The following SIX2 variants were observed in gnomAD, a reference collection of about 807,000 sequenced individuals.
SIX2 encodes the protein SIX homeobox 2, also known as homeobox protein SIX2.
In SIX2, 20 loss-of-function variants were observed where a neutral mutation model predicts 22.8. The ratio of observed to expected loss-of-function variants is 0.88; its 90% CI spans 0.62 to 1.28. The LOEUF is 1.28. SIX2 is among the 50% of genes most tolerant of loss of function. The probability of loss-of-function intolerance (pLI) is 0.00; values close to 1 mark genes in which losing one functional copy is unlikely to be tolerated. For synonymous variants in SIX2, 195 were observed against 186.4 expected (o/e 1.05, Z -0.37); for missense variants, 360 against 400.0 (o/e 0.90, Z 0.85).
At chr2:45,007,215 G>T (rs747048608) in intron 1 of SIX2, among the ~76,000 whole-genome samples, 1 of 152,156 alleles carries the variant, frequency 6.6e-6, no homozygotes, top group Non-Finnish European at 1.5e-5. Context: ...GAAGGCCGAG[G>T]CTTTTCCATT....
chr2:45,006,218 G>C lies in SIX2; in HGVS notation c.828C>G (p.Asp276Glu). ...TGGCTGACATGGGGTTGAGGATGGA[G>C]TCCTGCAGGCCATGGTGGTGTTGCA... Reference protein sequence around the residue: ...DPLQHHHGLQDSILNPMSANL... With the variant: ...DPLQHHHGLQESILNPMSANL... The change falls in exon 2 of 2, where the codon GAC becomes GAG. Residue 276 changes from aspartate (D) to glutamate (E), a missense_variant. Coordinates refer to ENST00000303077, the MANE Select transcript of SIX2 (RefSeq NM_016932.5). This position sits in a 1 kb window ranked among gnomAD's most constrained non-coding sequence, Gnocchi z 4.2. 1 of 1,614,274 alleles carries C rather than the reference G, an allele frequency of 6.2e-7. No homozygotes were observed. The highest frequency in any genetic ancestry group is 8.5e-7 in the Non-Finnish European group (1 of 1,180,048).
intron 1 of SIX2, 116 bp downstream of exon 1, chr2:45,008,435 C>T: frequency 9.1e-7 from 1 of 1,104,772 alleles, no homozygotes; most frequent in Non-Finnish European, 1.3e-6. Context: ...TGCCGCTGGG[C>T]TGTGGCCGGG....
Position 45,008,780 on chromosome 2 carries a change from C to T in SIX2, c.331G>A (p.Val111Met). 6.2e-7 allele frequency: 1 copy of T among 1,613,860 alleles called. No individual in the cohort carries two copies. The highest frequency in any genetic ancestry group is 8.5e-7 in the Non-Finnish European group (1 of 1,179,940). The stretch of plus-strand genomic sequence containing the variant: ...CGCGGCAGCGGGAATTTGCGGCGCA[C>T]GCGGTATTTGCCCACGGCGCCCAGG... Reference protein sequence around the residue: ...RPLGAVGKYRVRRKFPLPRSI... With the variant: ...RPLGAVGKYRMRRKFPLPRSI... Residue 111 changes from valine to methionine, a missense_variant, in exon 1 of 2, where the codon GTG becomes ATG. Physicochemically the swap from Val to Met is conservative, Grantham distance 21 (BLOSUM62 1). This residue lies in a region of SIX2 where 7 missense variants were observed against 33.1 expected (regional missense o/e 0.21). Transcript: ENST00000303077.
chr2:45,006,762 C>T lies in SIX2; in HGVS notation c.561-277G>A, dbSNP rs1387730065. On this transcript the variant is annotated intron_variant, in intron 1 of 1. Transcript: ENST00000303077. This position sits in a 1 kb window ranked among gnomAD's most constrained non-coding sequence, Gnocchi z 4.2. ...CTCATCAATATCTTTTCTATATTTCCTCTTTCCCCCCTTCCCCAATATTTC... is the reference window on the plus strand; with the variant it reads ...CTCATCAATATCTTTTCTATATTTCTTCTTTCCCCCCTTCCCCAATATTTC... Among the ~76,000 whole-genome samples, 1 of 152,170 alleles carries T rather than the reference C, an allele frequency of 6.6e-6. No homozygotes were observed. Among genetic ancestry groups the T allele is most frequent in the Non-Finnish European group, 1.5e-5 (1 of 68,030 alleles).
rs1487284253 is a variant in SIX2 at position 45,006,683 on chromosome 2, C to G, written c.561-198G>C. The stretch of plus-strand genomic sequence containing the variant: ...TGCCCGTTCTCTCCATCTCTCAACA[C>G]CCAATTTCTCTTGCCCCTCTGCCCT... On this transcript the variant is annotated intron_variant, in intron 1 of 1. Coordinates refer to ENST00000303077, the MANE Select transcript of SIX2 (RefSeq NM_016932.5). This position sits in a 1 kb window ranked among gnomAD's most constrained non-coding sequence, Gnocchi z 4.2. Among the ~76,000 whole-genome samples, 1 of 152,208 alleles carries G rather than the reference C, an allele frequency of 6.6e-6. No homozygotes were observed. The highest frequency in any genetic ancestry group is 1.5e-5 in the Non-Finnish European group (1 of 68,040).
chr2:45,008,688 C>T lies in SIX2; in HGVS notation c.423G>A (p.Glu141=), dbSNP rs1454756698. The change falls in exon 1 of 2, where the codon GAG becomes GAA. Residue 141 remains glutamate, a synonymous_variant. Coordinates refer to ENST00000303077, the MANE Select transcript of SIX2 (RefSeq NM_016932.5). ...AAGGGTAGGGGTTGTGCGCGTACCA[C>T]TCGCGCAGCACGCTGCGACTCTTTT... is the stretch of plus-strand genomic sequence containing the variant. ...FKEKSRSVLR[E]WYAHNPYPSP... The T allele has an allele frequency of 6.2e-7, 1 of 1,614,098 alleles. No individual in the cohort carries two copies. The highest frequency in any genetic ancestry group is 1.1e-5 in the South Asian group (1 of 91,090).
In SIX2 at chr2:45,006,910, A is replaced by T. The variant is rs113046677; in HGVS notation, c.561-425T>A. On this transcript the variant is annotated intron_variant, in intron 1 of 1. Coordinates refer to ENST00000303077, the MANE Select transcript of SIX2 (RefSeq NM_016932.5). This position sits in a 1 kb window ranked among gnomAD's most constrained non-coding sequence, Gnocchi z 4.2. ...TCCACAAGCCAGGTTTGCTGGGTAGATGTGGGGCTAGCAGGTTAAGGAACC... is the reference window on the plus strand; with the variant it reads ...TCCACAAGCCAGGTTTGCTGGGTAGTTGTGGGGCTAGCAGGTTAAGGAACC... Among the ~76,000 whole-genome samples the T allele has an allele frequency of 1.4e-3, 219 of 152,262 alleles. No individual in the cohort carries two copies. The highest frequency in any genetic ancestry group is 5.0e-3 in the African/African-American group (208 of 41,552).
In SIX2 at chr2:45,009,043, T is replaced by A; in HGVS notation, c.68A>T (p.Gln23Leu). The stretch of plus-strand genomic sequence containing the variant: ...GCCCAGCCGCTCGATGTTGCCGCCC[T>A]GCTGCAGCACCTCGCACACGCACGC... The part of the protein sequence containing the change: ...QVACVCEVLQ[Q>L]GGNIERLGRF... Residue 23 changes from glutamine to leucine, a missense_variant, in exon 1 of 2, where the codon CAG (glutamine) becomes CTG (leucine). Around this residue, in one of 3 missense-constraint regions of SIX2, gnomAD observed 118 missense variants for 135.1 expected, o/e 0.87. Coordinates refer to ENST00000303077, the MANE Select transcript of SIX2 (RefSeq NM_016932.5). The A allele has an allele frequency of 6.2e-7, 1 of 1,607,804 alleles. No individual in the cohort carries two copies. The highest frequency in any genetic ancestry group is 8.5e-7 in the Non-Finnish European group (1 of 1,179,298).
In SIX2 at chr2:45,006,828, G is replaced by A. The variant is rs1667774925; in HGVS notation, c.561-343C>T. 6.6e-6 allele frequency among the ~76,000 whole-genome samples: 1 copy of A among 152,194 alleles called. No individual in the cohort carries two copies. Among genetic ancestry groups the A allele is most frequent in the African/African-American group, 2.4e-5 (1 of 41,438 alleles). On this transcript the variant is annotated intron_variant, in intron 1 of 1. Transcript: ENST00000303077. This position sits in a 1 kb window ranked among gnomAD's most constrained non-coding sequence, Gnocchi z 4.2. Reference sequence around the variant, plus strand: ...GTGCAGGAGAACAGGGTTCCCTGAAGTTGTGGGGTGAGCCGGGAGGAAGAG... The same window carrying A: ...GTGCAGGAGAACAGGGTTCCCTGAAATTGTGGGGTGAGCCGGGAGGAAGAG...
Position 45,005,937 on chromosome 2 carries a change from G to A in SIX2, c.*233C>T. ...GGTGTATAATTTATTCCCTTCTGTG[G>A]TTCAAGACTCAGTCTCCAGCCCCAA... On this transcript the variant is annotated 3_prime_UTR_variant, in exon 2 of 2. Transcript: ENST00000303077. The A allele has an allele frequency of 1.6e-6, 1 of 632,430 alleles. No homozygotes were observed. The allele number at this position is 632,430 out of a possible 1,614,324, so 39.2% of individuals were successfully genotyped here.
chr2:45,008,721 G>A lies in SIX2; in HGVS notation c.390C>T (p.Cys130=). Residue 130 remains cysteine (C), a synonymous_variant, in exon 1 of 2, where the codon TGC becomes TGT. Coordinates refer to ENST00000303077, the MANE Select transcript of SIX2 (RefSeq NM_016932.5). ...GCACGCTGCGACTCTTTTCCTTGAA[G>A]CAGTAGCTGGTCTCCTCGCCGTCCC... The part of the protein sequence containing the change: ...SIWDGEETSY[C]FKEKSRSVLR... 2 of 1,614,062 alleles carry A rather than the reference G, an allele frequency of 1.2e-6. No homozygotes were observed. The highest frequency in any genetic ancestry group is 1.1e-5 in the South Asian group (1 of 91,092).
chr2:45,008,466 C>A, intron 1 of SIX2, 85 bp downstream of exon 1: 1 of 1,469,980 alleles, frequency 6.8e-7, no homozygotes, highest in South Asian at 1.1e-5. Context: ...CAGTTTAGGC[C>A]TCTCCGGGGG....
In SIX2 at chr2:45,008,642, G is replaced by T; in HGVS notation, c.469C>A (p.Leu157Met). 6.2e-7 allele frequency: 1 copy of T among 1,614,058 alleles called. No individual in the cohort carries two copies. Among genetic ancestry groups the T allele is most frequent in the Non-Finnish European group, 8.5e-7 (1 of 1,179,964 alleles). ...PYPSPREKRE[L>M]AEATGLTTTQ... The stretch of plus-strand genomic sequence containing the variant: ...GTGGTGAGGCCCGTGGCCTCCGCCA[G>T]CTCACGCTTCTCGCGGGGTGAAGGG... Residue 157 changes from leucine to methionine, a missense_variant, in exon 1 of 2, where the codon CTG (leucine) becomes ATG (methionine). Physicochemically the swap from Leu to Met is conservative, Grantham distance 15. Transcript: ENST00000303077.
In SIX2 at chr2:45,006,014, T is replaced by C. The variant is rs565977038; in HGVS notation, c.*156A>G. The C allele has an allele frequency of 8.3e-5, 65 of 784,420 alleles. No individual in the cohort carries two copies. Among genetic ancestry groups the C allele is most frequent in the African/African-American group, 8.2e-4 (48 of 58,648 alleles). The allele number at this position is 784,420 out of a possible 1,614,324, so 48.6% of individuals were successfully genotyped here. A position where few individuals can be genotyped will look rare whatever the true frequency, so the allele number is the denominator to read the frequency against. ...AATAAATCCCAAACAAGAACCAACA[T>C]AGACAGCTATCTGCCCTACCCGGCT... On this transcript the variant is annotated 3_prime_UTR_variant, in exon 2 of 2. Coordinates refer to ENST00000303077, the MANE Select transcript of SIX2 (RefSeq NM_016932.5). The surrounding 1 kb of genome is among the most constrained non-coding windows in gnomAD (Gnocchi z 4.2).
Position 45,008,691 on chromosome 2 carries a change from G to T in SIX2, c.420C>A (p.Arg140=). 1.9e-6 allele frequency: 3 copies of T among 1,614,082 alleles called. No individual in the cohort carries two copies. The highest frequency in any genetic ancestry group is 2.5e-6 in the Non-Finnish European group (3 of 1,179,972). ...CFKEKSRSVL[R]EWYAHNPYPS... Reference sequence around the variant, plus strand: ...GGTAGGGGTTGTGCGCGTACCACTCGCGCAGCACGCTGCGACTCTTTTCCT... The same window carrying T: ...GGTAGGGGTTGTGCGCGTACCACTCTCGCAGCACGCTGCGACTCTTTTCCT... The change falls in exon 1 of 2, where the codon CGC becomes CGA. Residue 140 remains arginine (R), a synonymous_variant. Coordinates refer to ENST00000303077, the MANE Select transcript of SIX2 (RefSeq NM_016932.5).
At position 45,008,674 on chromosome 2, in the gene SIX2, T is replaced by C; in HGVS notation, c.437A>G (p.Asn146Ser). The change falls in exon 1 of 2, where the codon AAC becomes AGC. Residue 146 changes from asparagine (N) to serine (S), a missense_variant. Physicochemically the swap from Asn to Ser is conservative, Grantham distance 46. Coordinates refer to ENST00000303077, the MANE Select transcript of SIX2 (RefSeq NM_016932.5). ...CTTCTCGCGGGGTGAAGGGTAGGGG[T>C]TGTGCGCGTACCACTCGCGCAGCAC... Reference protein sequence around the residue: ...RSVLREWYAHNPYPSPREKRE... With the variant: ...RSVLREWYAHSPYPSPREKRE... 1.2e-6 allele frequency: 2 copies of C among 1,613,964 alleles called. No individual in the cohort carries two copies. Among genetic ancestry groups the C allele is most frequent in the South Asian group, 1.1e-5 (1 of 91,086 alleles).
Position 45,005,328 on chromosome 2 carries a change from T to G in SIX2, c.*842A>C, listed in dbSNP as rs1394022009. On this transcript the variant is annotated 3_prime_UTR_variant, in exon 2 of 2. Transcript: ENST00000303077. The stretch of plus-strand genomic sequence containing the variant: ...GGGGGGCGCGCTCAGCCGGGAGCGC[T>G]GTAGTCACAGTCCCGGGAGGAAGAG... 6.6e-6 allele frequency: 1 copy of G among 152,232 alleles called. No individual in the cohort carries two copies. The highest frequency in any genetic ancestry group is 6.5e-5 in the Admixed American group (1 of 15,286). 9.4% of individuals were successfully genotyped at this position (152,232 alleles called of 1,614,324 possible).
At position 45,008,946 on chromosome 2, in the gene SIX2, C is replaced by G; in HGVS notation, c.165G>C (p.Val55=). 6.2e-7 allele frequency: 1 copy of G among 1,613,866 alleles called. No individual in the cohort carries two copies. Among genetic ancestry groups the G allele is most frequent in the South Asian group, 1.1e-5 (1 of 91,082 alleles). The change falls in exon 1 of 2, where the codon GTG becomes GTC. Residue 55 remains valine, a synonymous_variant. Transcript: ENST00000303077. ...GGAAGTTGCCGCGGTGGAAGGCCAC[C>G]ACGGCCTTGGCCTTGAGCACGCTTT... ...KNESVLKAKA[V]VAFHRGNFRE...
chr2:45,006,359 G>C lies in SIX2; in HGVS notation c.687C>G (p.Pro229=). The C allele has an allele frequency of 1.9e-6, 3 of 1,614,170 alleles. No individual in the cohort carries two copies. In the South Asian group the frequency reaches 3.3e-5, roughly 18 times the overall value. Reference sequence around the variant, plus strand: ...GGGGCGGCGGGCTGAGGAGCAGTGCGGGGCTGGATGATGAGTGGTCTGGCG... The same window carrying C: ...GGGGCGGCGGGCTGAGGAGCAGTGCCGGGCTGGATGATGAGTGGTCTGGCG... ...SGTPDHSSSS[P]ALLLSPPPPG... is the part of the protein sequence containing the mutation. Residue 229 remains proline, a synonymous_variant, in exon 2 of 2, where the codon CCC becomes CCG. Transcript: ENST00000303077. The surrounding 1 kb of genome is among the most constrained non-coding windows in gnomAD (Gnocchi z 4.2).
Sources: allele counts gnomAD v4.1 joint callset (sites outside exome capture counted in the v4.1 genomes callset), GRCh38; gene constraint gnomAD v4.1.1; regional missense constraint gnomAD v4.1.1; non-coding constraint Gnocchi (gnomAD v3.1); transcripts MANE v1.5; gene names NCBI Gene and HGNC (gene_info 2026-07-23, HGNC 2026-07-21).